Variants in SLA observed in about 807,000 individuals in gnomAD.
The protein encoded by SLA is Src like adaptor, also known as src-like-adapter.
In SLA, 16 loss-of-function variants were observed where a neutral mutation model predicts 30.3. That is an observed-to-expected ratio of 0.53 (90% CI 0.36 to 0.80). SLA has a LOEUF of 0.80. Ranked by LOEUF, SLA falls within the 30% of genes least tolerant of loss-of-function variation. The probability of loss-of-function intolerance (pLI) is 0.01; values close to 1 mark genes in which losing one functional copy is unlikely to be tolerated. For synonymous variants in SLA, 143 were observed against 137.8 expected, an observed-to-expected ratio of 1.04 and a Z score of -0.26; for missense variants, 310 against 345.2, an observed-to-expected ratio of 0.90 and a Z score of 0.81.
chr8:133,059,218 C>G (rs1456952880), intron 3 of SLA: 1 of 445,142 alleles, frequency 2.2e-6, no homozygotes, highest in Non-Finnish European at 4.5e-6. Context: ...ACACCAGGCC[C>G]CAAATGCTAC....
chr8:133,094,211 T>C (rs965833839), intron 1 of SLA, among the ~76,000 whole-genome samples: 1 of 151,722 alleles, frequency 6.6e-6, no homozygotes. Context: ...CCTACCACTT[T>C]CATTATTAGA....
intron 2 of SLA, among the ~76,000 whole-genome samples, chr8:133,072,152 C>T (rs1342862931): frequency 6.6e-6 from 1 of 152,188 alleles, no homozygotes; most frequent in Non-Finnish European, 1.5e-5. Flanking sequence ...ACCAAGTCCT[C>T]CAGCCCTGGT....
At chr8:133,057,522 G>GT (rs1841663864) in intron 3 of SLA, among the ~76,000 whole-genome samples, 1 of 152,068 alleles carries the variant, frequency 6.6e-6, no homozygotes, top group African/African-American at 2.4e-5. Flanking sequence ...CTTCTTTGCT[G>GT]GTGCCTGCCC....
rs1370641337 is a variant in SLA, at chr8:133,038,576, C to T, written c.779G>A (p.Gly260Asp). 5 of 1,614,130 alleles carry T rather than the reference C, an allele frequency of 3.1e-6. No homozygotes were observed. Among genetic ancestry groups the T allele is most frequent in the Non-Finnish European group, 4.2e-6 (5 of 1,179,976 alleles). ...GAAGAATGAGCTCTTTCTCTTGCTG[C>T]CACCATACATCAGGGAGATGCTTTT... ...KKKSISLMYG[G>D]SKRKSSFFSS... The change falls in exon 9 of 9, where the codon GGC becomes GAC. Residue 260 changes from glycine (G) to aspartate (D), a missense_variant. By Grantham distance (94) the Gly-to-Asp change is moderately conservative (BLOSUM62 -1). Coordinates refer to ENST00000338087, the MANE Select transcript of SLA (RefSeq NM_001045556.3).
intron 1 of SLA, among the ~76,000 whole-genome samples, chr8:133,100,802 A>C (rs1399290164): frequency 6.6e-6 from 1 of 152,188 alleles, no homozygotes; most frequent in Non-Finnish European, 1.5e-5. Flanking sequence ...AATTCTACCC[A>C]CATTCTTTTT....
intron 7 of SLA, among the ~76,000 whole-genome samples, chr8:133,040,532 G>T (rs542373853): frequency 6.6e-6 from 1 of 152,286 alleles, no homozygotes; most frequent in Non-Finnish European, 1.5e-5. Flanking sequence ...AGGGTTTCCC[G>T]CAAATGCCCA....
intron 1 of SLA, chr8:133,096,144 T>C: frequency 6.3e-7 from 1 of 1,597,158 alleles, no homozygotes; most frequent in Non-Finnish European, 8.6e-7. Flanking sequence ...TTAAGACCTC[T>C]TTATGCAAAG....
At chr8:133,053,080 T>G (rs1244729397) in intron 3 of SLA, among the ~76,000 whole-genome samples, 1 of 152,190 alleles carries the variant, frequency 6.6e-6, no homozygotes, top group Non-Finnish European at 1.5e-5. Context: ...AGCCTCCGGA[T>G]AGGCTGTTCC....
At chr8:133,065,384 G>A (rs1052980012) in intron 2 of SLA, among the ~76,000 whole-genome samples, 7 of 152,208 alleles carry the variant, frequency 4.6e-5, no homozygotes, top group Non-Finnish European at 7.3e-5. Flanking sequence ...GCTCTAACTC[G>A]CCACCAGTGC....
chr8:133,057,774 C>CAAAAAAAAAAAAAA (rs5895173), intron 3 of SLA, among the ~76,000 whole-genome samples: 1 of 141,986 alleles, frequency 7.0e-6, no homozygotes, highest in Non-Finnish European at 1.5e-5. Context: ...AAACAAAAAA[C>CAAAAAAAAAAAAAA]AAAAAAAAAA....
chr8:133,040,304 C>A, intron 7 of SLA, 174 bp from the exon 8 acceptor site: 1 of 671,338 alleles, frequency 1.5e-6, no homozygotes, highest in East Asian at 2.7e-5. Context: ...ACGCGCCCAG[C>A]TGTTTGAGAA....
chr8:133,067,347 G>A (rs934614238), intron 2 of SLA, among the ~76,000 whole-genome samples: 3 of 152,120 alleles, frequency 2.0e-5, no homozygotes, highest in Admixed American at 6.5e-5. Flanking sequence ...GGAGGGCTGC[G>A]GCATACCAGG....
At position 133,099,464 on chromosome 8, in the gene SLA, A is replaced by G. The variant is rs796833188; in HGVS notation, c.-319+3089T>C. Among the ~76,000 whole-genome samples, 120 of 152,322 alleles carry G rather than the reference A, an allele frequency of 7.9e-4. 1 individual carries two copies. Among genetic ancestry groups the G allele is most frequent in the African/African-American group, 2.6e-3 (110 of 41,570 alleles). On this transcript the variant is annotated intron_variant, in intron 1 of 8. Transcript: ENST00000338087. The stretch of plus-strand genomic sequence containing the variant: ...TCACAGCTCAGTGCCACTGCATGCA[A>G]TCATCTCCTAAACATGTGTCTGCAC...
Position 133,038,427 on chromosome 8 carries a change from G to C in SLA, c.*97C>G. 1 of 913,702 alleles carries C rather than the reference G, an allele frequency of 1.1e-6. No individual in the cohort carries two copies. The highest frequency in any genetic ancestry group is 1.8e-6 in the Non-Finnish European group (1 of 561,328). The allele number at this position is 913,702 out of a possible 1,614,324, so 56.6% of individuals were successfully genotyped here. ...TCTCTTGGCTTCTAAAATACGTGAG[G>C]CTCCCAGGGATCAGGGAACCTCGCT... is the stretch of plus-strand genomic sequence containing the variant. On this transcript the variant is annotated 3_prime_UTR_variant, in exon 9 of 9. Transcript: ENST00000338087.
At chr8:133,047,529 CT>C in intron 6 of SLA, 1 of 406,826 alleles carries the variant, frequency 2.5e-6, no homozygotes, top group South Asian at 2.2e-5. Context: ...GCACAGCATG[CT>C]GCCTACACAC....
intron 7 of SLA, among the ~76,000 whole-genome samples, chr8:133,044,047 G>A (rs1838826803): frequency 6.6e-6 from 1 of 152,154 alleles, no homozygotes; most frequent in African/African-American, 2.4e-5. Flanking sequence ...TCCTTGGGAG[G>A]GGGAACTACT....
At chr8:133,101,100 G>T (rs1849187115) in intron 1 of SLA, among the ~76,000 whole-genome samples, 1 of 152,060 alleles carries the variant, frequency 6.6e-6, no homozygotes, top group African/African-American at 2.4e-5. Context: ...GTGGCGGGTG[G>T]CAGGCTCTAC....
At chr8:133,039,209 C>A (rs1037853689) in intron 8 of SLA, among the ~76,000 whole-genome samples, 18 of 152,312 alleles carry the variant, frequency 1.2e-4, no homozygotes, top group Middle Eastern at 3.4e-3. Context: ...TTACCCTAAC[C>A]TATTACTCTA....
rs557860469 is a variant in SLA, at chr8:133,048,911, A to T, written c.249-978T>A. 5.1e-5 allele frequency: 11 copies of T among 215,772 alleles called. No homozygotes were observed. The South Asian group carries it at 6.1e-4, about 12-fold the overall frequency. 13.4% of individuals were successfully genotyped at this position (215,772 alleles called of 1,614,324 possible). A position where few individuals can be genotyped will look rare whatever the true frequency, so the allele number is the denominator to read the frequency against. ...CAGGTGGTTATCTCTGTTTTGCAAGATGAGCATGTGGCATGTAGAGTCCTC... is the reference window on the plus strand; with the variant it reads ...CAGGTGGTTATCTCTGTTTTGCAAGTTGAGCATGTGGCATGTAGAGTCCTC... On this transcript the variant is annotated intron_variant, in intron 5 of 8. Transcript: ENST00000338087.
Sources: gnomAD v4.1 joint callset for allele counts (sites outside exome capture counted in the v4.1 genomes callset) on GRCh38, gnomAD v4.1.1 for gene constraint, MANE v1.5 for transcripts, NCBI Gene and HGNC (gene_info 2026-07-23, HGNC 2026-07-21) for gene names.